Variants in C1orf21 observed in about 807,000 individuals in gnomAD.
The protein encoded by C1orf21 is uncharacterized protein C1orf21.
Under a neutral mutation model 18.7 loss-of-function variants are expected in C1orf21, and 3 were observed. That is an observed-to-expected ratio of 0.16 (90% CI 0.07 to 0.42). The LOEUF is 0.42. C1orf21 is among the 10% of genes least tolerant of loss of function. C1orf21 has a pLI of 0.99. For missense variants in C1orf21, 104 were observed against 143.6 expected, an observed-to-expected ratio of 0.72 and a Z score of 1.41; for synonymous variants, 41 against 46.4, an observed-to-expected ratio of 0.88 and a Z score of 0.47.
intron 1 of C1orf21, among the ~76,000 whole-genome samples, chr1:184,440,958 A>G (rs1656934421): frequency 6.6e-6 from 1 of 152,204 alleles, no homozygotes; most frequent in Non-Finnish European, 1.5e-5. Flanking sequence ...CTCCTTATTC[A>G]GTATTTTGAA....
At chr1:184,571,291 C>T (rs1168557282) in intron 3 of C1orf21, among the ~76,000 whole-genome samples, 1 of 104,270 alleles carries the variant, frequency 9.6e-6, no homozygotes, top group African/African-American at 4.5e-5. Flanking sequence ...AGCGAGACTC[C>T]GTCTCAAAAA....
chr1:184,462,337 G>T (rs1030435003), intron 1 of C1orf21, among the ~76,000 whole-genome samples: 4 of 152,196 alleles, frequency 2.6e-5, no homozygotes, highest in African/African-American at 9.7e-5. Context: ...CTGGTTTCAA[G>T]TCTACTTCCT....
chr1:184,471,341 C>T (rs1456806684), intron 1 of C1orf21, among the ~76,000 whole-genome samples: 2 of 152,178 alleles, frequency 1.3e-5, no homozygotes, highest in Non-Finnish European at 2.9e-5. Context: ...CATCTTTAGA[C>T]CTTATAGGGC....
chr1:184,623,391 T>G lies in C1orf21; in HGVS notation c.*3835T>G, dbSNP rs1659956017. On this transcript the variant is annotated 3_prime_UTR_variant, in exon 6 of 6. Transcript: ENST00000235307. ...GATATTAGATTGCACACTATAATTT[T>G]ACATAAGATCTGCCTTCCACACTTC... The G allele has an allele frequency of 6.6e-6, 1 of 152,218 alleles. No individual in the cohort carries two copies. The highest frequency in any genetic ancestry group is 1.5e-5 in the Non-Finnish European group (1 of 68,034). The allele number at this position is 152,218 out of a possible 1,614,324, so 9.4% of individuals were successfully genotyped here.
At chr1:184,443,517 T>G (rs1323756646) in intron 1 of C1orf21, among the ~76,000 whole-genome samples, 1 of 152,242 alleles carries the variant, frequency 6.6e-6, no homozygotes, top group East Asian at 1.9e-4. Context: ...TGTGGGCTCC[T>G]GAAACCCTGA....
At chr1:184,570,395 T>G (rs187524176) in intron 3 of C1orf21, among the ~76,000 whole-genome samples, 100 of 152,304 alleles carry the variant, frequency 6.6e-4, no homozygotes, top group African/African-American at 2.2e-3. Flanking sequence ...TTGTTTAAAT[T>G]ATCACACTGC....
intron 1 of C1orf21, among the ~76,000 whole-genome samples, chr1:184,446,177 T>TATCTC (rs1657026972): frequency 6.6e-6 from 1 of 152,210 alleles, no homozygotes; most frequent in Non-Finnish European, 1.5e-5. Flanking sequence ...TGTCAGTTAT[T>TATCTC]ATCTCAAATG....
chr1:184,505,858 ATTT>A (rs1658053725), intron 2 of C1orf21, among the ~76,000 whole-genome samples: 1 of 151,672 alleles, frequency 6.6e-6, no homozygotes, highest in Non-Finnish European at 1.5e-5. Context: ...AGGGAGGCCC[ATTT>A]TTACCTTTTT....
Position 184,441,710 on chromosome 1 carries a change from T to C in C1orf21, c.-124-35676T>C, listed in dbSNP as rs185101694. Among the ~76,000 whole-genome samples, 73 of 152,356 alleles carry C rather than the reference T, an allele frequency of 4.8e-4. 1 individual carries two copies. Among genetic ancestry groups the C allele is most frequent in the African/African-American group, 1.7e-3 (72 of 41,586 alleles). On this transcript the variant is annotated intron_variant, in intron 1 of 5. Transcript: ENST00000235307. ...GTTTACACTGCCAGCTAGTACTGTA[T>C]AGTAAATTTACAATTCTAAATTGAT...
At chr1:184,574,958 T>C (rs1196593195) in intron 3 of C1orf21, among the ~76,000 whole-genome samples, 4 of 152,120 alleles carry the variant, frequency 2.6e-5, no homozygotes, top group African/African-American at 9.7e-5. Context: ...CGAGGGCAAG[T>C]GTGAAGAAAG....
chr1:184,616,869 T>G (rs1381852712), intron 5 of C1orf21, among the ~76,000 whole-genome samples: 2 of 152,198 alleles, frequency 1.3e-5, no homozygotes, highest in African/African-American at 4.8e-5. Context: ...TAGAGGGACT[T>G]CGGTTTCTGC....
intron 3 of C1orf21, among the ~76,000 whole-genome samples, chr1:184,564,483 T>A (rs1438808880): frequency 6.6e-6 from 1 of 151,966 alleles, no homozygotes; most frequent in Admixed American, 6.6e-5. Flanking sequence ...GATTTTTGTA[T>A]TTTTAGTAGA....
intron 1 of C1orf21, among the ~76,000 whole-genome samples, chr1:184,466,501 C>A (rs1260755006): frequency 6.6e-6 from 1 of 152,294 alleles, no homozygotes; most frequent in South Asian, 2.1e-4. Context: ...GCTACAAAAT[C>A]AATGAAGTTC....
At chr1:184,462,815 C>T (rs1470676209) in intron 1 of C1orf21, among the ~76,000 whole-genome samples, 1 of 152,100 alleles carries the variant, frequency 6.6e-6, no homozygotes, top group African/African-American at 2.4e-5. Flanking sequence ...GGTGTGGTGG[C>T]TCATGCCTGT....
chr1:184,503,565 G>A (rs1658008800), intron 2 of C1orf21, among the ~76,000 whole-genome samples: 1 of 152,118 alleles, frequency 6.6e-6, no homozygotes, highest in African/African-American at 2.4e-5. Flanking sequence ...TACTCAGACT[G>A]TACTGAGTGT....
intron 5 of C1orf21, among the ~76,000 whole-genome samples, chr1:184,603,346 T>A (rs934132488): frequency 2.6e-5 from 4 of 152,296 alleles, no homozygotes; most frequent in Admixed American, 2.6e-4. Flanking sequence ...TAGTTCACAG[T>A]CTCCTGAGGG....
At chr1:184,586,019 T>G (rs1324911155) in intron 3 of C1orf21, among the ~76,000 whole-genome samples, 1 of 152,186 alleles carries the variant, frequency 6.6e-6, no homozygotes, top group Non-Finnish European at 1.5e-5. Flanking sequence ...GTAGTTCTAT[T>G]TTTAGATCTT....
intron 3 of C1orf21, among the ~76,000 whole-genome samples, chr1:184,581,554 G>C (rs1659277083): frequency 6.6e-6 from 1 of 152,110 alleles, no homozygotes; most frequent in Non-Finnish European, 1.5e-5. Context: ...TTGATTTTCT[G>C]TGTGTGTATA....
intron 5 of C1orf21, among the ~76,000 whole-genome samples, chr1:184,602,807 C>T (rs1571297760): frequency 6.6e-6 from 1 of 152,172 alleles, no homozygotes; most frequent in East Asian, 1.9e-4. Context: ...ATAGTATCTT[C>T]TACAGGCAAA....
Sources: allele counts gnomAD v4.1 joint callset (sites outside exome capture counted in the v4.1 genomes callset), GRCh38; gene constraint gnomAD v4.1.1; transcripts MANE v1.5; gene names NCBI Gene and HGNC (gene_info 2026-07-23, HGNC 2026-07-21).